Variants in TAMM41 observed in about 807,000 individuals in gnomAD.
TAMM41 encodes the protein TAM41 mitochondrial translocator assembly and maintenance homolog.
TAMM41 carries 36 observed loss-of-function variants against 44.1 expected under a neutral mutation model. The ratio of observed to expected loss-of-function variants is 0.82; its 90% CI spans 0.63 to 1.08. The LOEUF (loss-of-function observed/expected upper bound fraction) is 1.08, where lower values mean the gene tolerates loss of function less well. TAMM41 is among the 50% of genes least tolerant of loss of function. The pLI, the probability that TAMM41 is intolerant of heterozygous loss-of-function variation, is 0.00. For missense variants in TAMM41, 417 were observed against 404.3 expected, an observed-to-expected ratio of 1.03 and a Z score of -0.27; for synonymous variants, 164 against 153.1, an observed-to-expected ratio of 1.07 and a Z score of -0.53.
chr3:11,733,741 C>A, the TAMM41 span, among the ~76,000 whole-genome samples: 3 of 151,914 alleles, frequency 2.0e-5, no homozygotes, highest in Non-Finnish European at 4.4e-5. Context: ...GTGATGCATC[C>A]GCCTCGGCCT....
At chr3:11,781,860 T>A in the TAMM41 span, among the ~76,000 whole-genome samples, 1 of 152,058 alleles carries the variant, frequency 6.6e-6, no homozygotes, top group Non-Finnish European at 1.5e-5. Context: ...CCTGCCTGGG[T>A]TGACTCATCC....
the TAMM41 span, among the ~76,000 whole-genome samples, chr3:11,732,989 G>GTTTTTTTTTTTT: frequency 7.8e-6 from 1 of 128,482 alleles, no homozygotes; most frequent in African/African-American, 3.0e-5. Context: ...TATGATTTGA[G>GTTTTTTTTTTTT]TTTTTTTTTT....
chr3:11,767,625 C>CTTTTT, the TAMM41 span, among the ~76,000 whole-genome samples: 1 of 27,910 alleles, frequency 3.6e-5, no homozygotes, highest in African/African-American at 2.7e-4. Context: ...ACACGTTGTG[C>CTTTTT]ATTTTTTTTT....
the TAMM41 span, among the ~76,000 whole-genome samples, chr3:11,746,846 G>A: frequency 6.6e-6 from 1 of 151,496 alleles, no homozygotes; most frequent in Non-Finnish European, 1.5e-5. Flanking sequence ...ATGTTGCCTA[G>A]GCTGCTCTCA....
At chr3:11,768,171 T>A in the TAMM41 span, among the ~76,000 whole-genome samples, 1 of 151,778 alleles carries the variant, frequency 6.6e-6, no homozygotes, top group Non-Finnish European at 1.5e-5. Flanking sequence ...GGGGTTTCAT[T>A]CTGTAGCCTG....
downstream of TAMM41, among the ~76,000 whole-genome samples, chr3:11,789,571 T>C (rs190095699): frequency 2.4e-4 from 36 of 152,354 alleles, no homozygotes; most frequent in African/African-American, 7.5e-4. Context: ...AAGTTACCTC[T>C]TGGGCTGGGG....
At chr3:11,819,250 G>A (rs950029452) in intron 4 of TAMM41, among the ~76,000 whole-genome samples, 3 of 152,118 alleles carry the variant, frequency 2.0e-5, no homozygotes, top group South Asian at 2.1e-4. Flanking sequence ...CACAGGTAAC[G>A]TTTACCGAGC....
intron 7 of TAMM41, among the ~76,000 whole-genome samples, chr3:11,794,082 C>T (rs1438230598): frequency 3.3e-5 from 5 of 152,120 alleles, no homozygotes; most frequent in Non-Finnish European, 5.9e-5. Flanking sequence ...CAGCTATGGT[C>T]TCTGCCCTCA....
the TAMM41 span, among the ~76,000 whole-genome samples, chr3:11,769,719 C>A: frequency 1.3e-5 from 2 of 152,216 alleles, no homozygotes; most frequent in Non-Finnish European, 2.9e-5. Context: ...TGTGGAAATT[C>A]TCTCATGAAT....
the TAMM41 span, among the ~76,000 whole-genome samples, chr3:11,724,612 C>T: frequency 6.6e-6 from 1 of 151,624 alleles, no homozygotes; most frequent in East Asian, 1.9e-4. Flanking sequence ...GACGGGGTTT[C>T]GCCATGTTGA....
chr3:11,826,530 CAAAAAAAAAA>C (rs11388352), intron 4 of TAMM41, among the ~76,000 whole-genome samples: 2 of 62,222 alleles, frequency 3.2e-5, no homozygotes, highest in East Asian at 5.1e-4. Flanking sequence ...CCTTGTCTCT[CAAAAAAAAAA>C]AAAAAAAAAA....
chr3:11,743,845 A>G, the TAMM41 span, among the ~76,000 whole-genome samples: 2 of 151,988 alleles, frequency 1.3e-5, no homozygotes, highest in Non-Finnish European at 2.9e-5. Context: ...CTCTTCACTT[A>G]CCTGCCTCCC....
intron 3 of TAMM41, 64 bp downstream of exon 3, chr3:11,839,158 T>A: frequency 9.8e-7 from 1 of 1,020,112 alleles, no homozygotes; most frequent in South Asian, 1.5e-5. Context: ...ATCACAATGA[T>A]CAAAGTAAGG....
At chr3:11,778,313 A>T in the TAMM41 span, among the ~76,000 whole-genome samples, 1 of 151,820 alleles carries the variant, frequency 6.6e-6, no homozygotes, top group South Asian at 2.1e-4. Context: ...CAAACCTCCA[A>T]CTCCTAGGCT....
the TAMM41 span, among the ~76,000 whole-genome samples, chr3:11,744,195 G>A: frequency 1.3e-5 from 2 of 152,124 alleles, no homozygotes; most frequent in African/African-American, 4.8e-5. Context: ...AGCCTCTCAA[G>A]TAACTGGGAT....
the TAMM41 span, among the ~76,000 whole-genome samples, chr3:11,731,381 G>C: frequency 2.6e-5 from 4 of 152,074 alleles, no homozygotes; most frequent in African/African-American, 9.7e-5. Context: ...TGTAGTCCCA[G>C]CTACTTGGGA....
At chr3:11,729,538 C>CTTTTTTTTTTTT in the TAMM41 span, among the ~76,000 whole-genome samples, 110 of 65,526 alleles carry the variant, frequency 1.7e-3, 24 homozygotes, top group African/African-American at 5.4e-3. Context: ...TTCTTTCTTT[C>CTTTTTTTTTTTT]ATTTTTTTTT....
intron 3 of TAMM41, among the ~76,000 whole-genome samples, chr3:11,831,876 C>T (rs1275995949): frequency 1.3e-5 from 2 of 152,094 alleles, no homozygotes; most frequent in African/African-American, 4.8e-5. Flanking sequence ...CAATAACACC[C>T]CCTCCTCCCT....
At chr3:11,808,383 AAAC>A (rs1169292581) in intron 6 of TAMM41, 10 of 998,192 alleles carry the variant, frequency 1.0e-5, no homozygotes, top group East Asian at 1.1e-4. Flanking sequence ...ATGTTCAAAC[AAAC>A]AACAGTGTGC....
Sources: gnomAD v4.1 joint callset for allele counts (sites outside exome capture counted in the v4.1 genomes callset) on GRCh38, gnomAD v4.1.1 for gene constraint, MANE v1.5 for transcripts, NCBI Gene and HGNC (gene_info 2026-07-23, HGNC 2026-07-21) for gene names.